The following IFI27L1 variants were observed in gnomAD, a reference collection of about 807,000 sequenced individuals.
The protein encoded by IFI27L1 is interferon alpha inducible protein 27 like 1.
In IFI27L1, 3 loss-of-function variants were observed where a neutral mutation model predicts 9.2. The observed-to-expected ratio is 0.32, with a 90% CI of 0.15 to 0.84. The LOEUF (loss-of-function observed/expected upper bound fraction) is 0.84. IFI27L1 is among the 40% of genes least tolerant of loss of function. IFI27L1 has a pLI of 0.56. For synonymous variants in IFI27L1, 53 were observed against 50.0 expected, an observed-to-expected ratio of 1.06 and a Z score of -0.26; for missense variants, 133 against 134.2, an observed-to-expected ratio of 0.99 and a Z score of 0.05.
intron 1 of IFI27L1, among the ~76,000 whole-genome samples, chr14:94,089,943 A>G (rs2402406): frequency 0.29 from 44,715 of 152,114 alleles, 6,961 homozygotes; most frequent in East Asian, 0.52. Context: ...ACAAAAGGTG[A>G]TATCTGGAAG....
chr14:94,102,433 C>G, intron 4 of IFI27L1, 44 bp from the exon 5 acceptor site: 1 of 1,307,326 alleles, frequency 7.6e-7, no homozygotes. Flanking sequence ...TTAGGAGCTG[C>G]TACCCCTCCC....
chr14:94,085,979 C>T (rs982257706), intron 1 of IFI27L1, among the ~76,000 whole-genome samples: 1 of 152,182 alleles, frequency 6.6e-6, no homozygotes, highest in African/African-American at 2.4e-5. Context: ...TATAAGCATT[C>T]TACATGGGTG....
rs1027357172 is a variant in IFI27L1 at position 94,083,753 on chromosome 14, G to T, written c.-52+2304G>T. 5.3e-5 allele frequency among the ~76,000 whole-genome samples: 8 copies of T among 152,304 alleles called. No homozygotes were observed. In the South Asian group the frequency reaches 1.4e-3, roughly 28 times the overall value. On this transcript the variant is annotated intron_variant, in intron 1 of 4. Coordinates refer to ENST00000555523, the MANE Select transcript of IFI27L1 (RefSeq NM_206949.3). ...GAGGTTTAAAACTTTTCAAAATAAAGAGTTGAGTAAATTGTTTTGATTTAA... is the reference window on the plus strand; with the variant it reads ...GAGGTTTAAAACTTTTCAAAATAAATAGTTGAGTAAATTGTTTTGATTTAA...
chr14:94,101,616 G>C (rs749199386), intron 3 of IFI27L1, among the ~76,000 whole-genome samples, 198 bp from the exon 4 acceptor site: 16 of 152,378 alleles, frequency 1.1e-4, no homozygotes, highest in Non-Finnish European at 2.2e-4. Context: ...GCGTAAACAA[G>C]CCTGGGATTC....
At chr14:94,096,420 G>C (rs112799434) in intron 1 of IFI27L1, among the ~76,000 whole-genome samples, 4 of 152,320 alleles carry the variant, frequency 2.6e-5, no homozygotes, top group Admixed American at 1.3e-4. Flanking sequence ...TTTCAGCCGG[G>C]TGCAGTGGCT....
chr14:94,091,920 T>G (rs1886489868), intron 1 of IFI27L1, among the ~76,000 whole-genome samples: 1 of 151,746 alleles, frequency 6.6e-6, no homozygotes, highest in Non-Finnish European at 1.5e-5. Context: ...GGTTAGGAGT[T>G]TGAGACCAGC....
At chr14:94,102,092 C>G (rs1595400451) in intron 4 of IFI27L1, 117 bp downstream of exon 4, 9 of 1,041,812 alleles carry the variant, frequency 8.6e-6, no homozygotes, top group Non-Finnish European at 1.3e-5. Context: ...GGCCCTTTGT[C>G]TTTCTGTCAC....
In IFI27L1 at chr14:94,100,745, C is replaced by G. The variant is rs1886863610; in HGVS notation, c.35C>G (p.Ala12Gly). The change falls in exon 3 of 5, where the codon GCT (alanine) becomes GGT (glycine). Residue 12 changes from alanine (A) to glycine (G), a missense_variant. Coordinates refer to ENST00000555523, the MANE Select transcript of IFI27L1 (RefSeq NM_206949.3). The stretch of plus-strand genomic sequence containing the variant: ...TTGTTGTTTTTGTCTCCAGGCAGGG[C>G]TGCTGTAGCAGCTGTGGTCGGAGGA... Reference protein sequence around the residue: ...GKESGWDSGRAAVAAVVGGVV... With the variant: ...GKESGWDSGRGAVAAVVGGVV... 6.2e-7 allele frequency: 1 copy of G among 1,613,444 alleles called. No homozygotes were observed. The highest frequency in any genetic ancestry group is 1.3e-5 in the African/African-American group (1 of 74,890).
intron 1 of IFI27L1, among the ~76,000 whole-genome samples, chr14:94,090,878 C>T (rs1886452493): frequency 6.6e-6 from 1 of 152,176 alleles, no homozygotes; most frequent in South Asian, 2.1e-4. Flanking sequence ...TATGCAGTTT[C>T]CAAATTCTGG....
intron 3 of IFI27L1, 31 bp downstream of exon 3, chr14:94,100,802 C>T: frequency 8.7e-6 from 14 of 1,611,476 alleles, no homozygotes; most frequent in Non-Finnish European, 1.2e-5. Flanking sequence ...ACTCAAGCCC[C>T]CATCCCCCGC....
chr14:94,082,367 C>CA (rs2141442669), intron 1 of IFI27L1, among the ~76,000 whole-genome samples: 1 of 151,956 alleles, frequency 6.6e-6, no homozygotes, highest in African/African-American at 2.4e-5. Flanking sequence ...TAAGATGAGG[C>CA]AGCAAATGCT....
At chr14:94,083,671 A>T (rs1461891510) in intron 1 of IFI27L1, among the ~76,000 whole-genome samples, 1 of 152,242 alleles carries the variant, frequency 6.6e-6, no homozygotes, top group East Asian at 1.9e-4. Context: ...TTGGTGAATT[A>T]TTGGTGCTAG....
intron 1 of IFI27L1, among the ~76,000 whole-genome samples, chr14:94,090,723 G>A (rs1886447965): frequency 6.6e-6 from 1 of 152,170 alleles, no homozygotes; most frequent in South Asian, 2.1e-4. Context: ...GGCTCTATAA[G>A]TCAAGTTTGA....
At chr14:94,082,104 T>C (rs369989849) in intron 1 of IFI27L1, among the ~76,000 whole-genome samples, 5 of 152,352 alleles carry the variant, frequency 3.3e-5, no homozygotes, top group African/African-American at 1.2e-4. Context: ...TTAAACATTT[T>C]ACTCTAATGA....
chr14:94,102,526 G>A lies in IFI27L1; in HGVS notation c.273G>A (p.Gly91=), dbSNP rs766194332. 11 of 1,591,266 alleles carry A rather than the reference G, an allele frequency of 6.9e-6. No homozygotes were observed. The highest frequency in any genetic ancestry group is 1.4e-5 in the African/African-American group (1 of 73,684). The change falls in exon 5 of 5, where the codon GGG becomes GGA. Residue 91 remains glycine, a synonymous_variant. Coordinates refer to ENST00000555523, the MANE Select transcript of IFI27L1 (RefSeq NM_206949.3). ...CTAAAGTTATCGGGGGCTTTGCTGG[G>A]ACAGCTCTTGGGGCCTGGCTGGGTT... ...VTSKVIGGFA[G]TALGAWLGSP...
chr14:94,101,987 G>C lies in IFI27L1; in HGVS notation c.223+12G>C. ...TCTGCAGTCAGTGGGTGAGTGTTCT[G>C]GACAGGATGACCAGAGCCAGGAGAT... On this transcript the variant is annotated intron_variant, in intron 4 of 4. Coordinates refer to ENST00000555523, the MANE Select transcript of IFI27L1 (RefSeq NM_206949.3). 6.2e-7 allele frequency: 1 copy of C among 1,614,186 alleles called. No individual in the cohort carries two copies. Among genetic ancestry groups the C allele is most frequent in the Non-Finnish European group, 8.5e-7 (1 of 1,180,008 alleles).
rs775289852 is a variant in IFI27L1 at position 94,101,847 on chromosome 14, G to A, written c.95G>A (p.Ser32Asn). Residue 32 changes from serine (S) to asparagine (N), a missense_variant, in exon 4 of 5, where the codon AGT becomes AAT. By Grantham distance (46) the Ser-to-Asn change is conservative (BLOSUM62 1). Coordinates refer to ENST00000555523, the MANE Select transcript of IFI27L1 (RefSeq NM_206949.3). ...GTGGGGACTGTGCTCGTGGCGCTCA[G>A]TGCCATGGGCTTCACCTCAGTAGGA... ...VAVGTVLVAL[S>N]AMGFTSVGIA... is the part of the protein sequence containing the mutation. 2.2e-5 allele frequency: 36 copies of A among 1,614,128 alleles called. No individual in the cohort carries two copies. Among genetic ancestry groups the A allele is most frequent in the Non-Finnish European group, 2.6e-5 (31 of 1,180,054 alleles).
chr14:94,095,298 A>G (rs1367151615), intron 1 of IFI27L1, among the ~76,000 whole-genome samples: 2 of 152,080 alleles, frequency 1.3e-5, no homozygotes, highest in Non-Finnish European at 2.9e-5. Flanking sequence ...TAGCCTCCCA[A>G]GTAACTGGGA....
chr14:94,082,549 A>G (rs1275978813), intron 1 of IFI27L1, among the ~76,000 whole-genome samples: 1 of 152,182 alleles, frequency 6.6e-6, no homozygotes, highest in African/African-American at 2.4e-5. Flanking sequence ...GGCCAAGCTC[A>G]CTCTTTTGTT....
Sources: gnomAD v4.1 joint callset for allele counts (sites outside exome capture counted in the v4.1 genomes callset) on GRCh38, gnomAD v4.1.1 for gene constraint, MANE v1.5 for transcripts, NCBI Gene and HGNC (gene_info 2026-07-23, HGNC 2026-07-21) for gene names.